Variants in KANSL3 observed in about 807,000 individuals in gnomAD.
KANSL3 encodes KAT8 regulatory NSL complex subunit 3.
In KANSL3, 16 loss-of-function variants were observed where a neutral mutation model predicts 89.2. The observed-to-expected ratio is 0.18, with a 90% confidence interval of 0.12 to 0.27. The LOEUF (loss-of-function observed/expected upper bound fraction) is 0.27. Among genes scored for constraint, KANSL3 ranks in the 10% least tolerant of loss-of-function variants. The pLI, the probability that KANSL3 is intolerant of heterozygous loss-of-function variation, is 1.00. For synonymous variants in KANSL3, 385 were observed against 419.7 expected, an observed-to-expected ratio of 0.92 and a Z score of 1.01; for missense variants, 879 against 1,110.6, an observed-to-expected ratio of 0.79 and a Z score of 2.96.
chr2:96,612,113 A>G (rs1376705258), intron 9 of KANSL3, 169 bp downstream of exon 9: 1 of 608,050 alleles, frequency 1.6e-6, no homozygotes, highest in Non-Finnish European at 2.9e-6. Flanking sequence ...AGTTTTCCAA[A>G]ATAAATTAAA....
intron 2 of KANSL3, 152 bp from the exon 3 acceptor site, chr2:96,631,634 T>C (rs1178900850): frequency 4.2e-5 from 36 of 852,318 alleles, no homozygotes; most frequent in Non-Finnish European, 6.9e-5. Flanking sequence ...TCCAAAGTCA[T>C]CTTTCCCACA....
chr2:96,604,769 A>G lies in KANSL3; in HGVS notation c.2018+10T>C. On this transcript the variant is annotated intron_variant, in intron 16 of 20. Coordinates refer to ENST00000431828, the MANE Select transcript of KANSL3 (RefSeq NM_001115016.3). ...AAGGAATAGACACAGATGGTCCAAT[A>G]AACACTCACTTGGCTGTGGTGAGAA... is the stretch of plus-strand genomic sequence containing the variant. 4 of 1,583,472 alleles carry G rather than the reference A, an allele frequency of 2.5e-6. No individual in the cohort carries two copies. Among genetic ancestry groups the G allele is most frequent in the Non-Finnish European group, 2.6e-6 (3 of 1,163,584 alleles).
intron 2 of KANSL3, among the ~76,000 whole-genome samples, chr2:96,632,632 G>A (rs934792554): frequency 6.6e-6 from 1 of 152,126 alleles, no homozygotes; most frequent in Admixed American, 6.6e-5. Flanking sequence ...ATGAGAGCTC[G>A]TTTAGGGACA....
In KANSL3 at chr2:96,608,853, G is replaced by C. The variant is rs1162543556; in HGVS notation, c.1584+11C>G. On this transcript the variant is annotated intron_variant, in intron 13 of 20. Transcript: ENST00000431828. Reference sequence around the variant, plus strand: ...TCCCCAGCAAAAGCGCTCCCTCCCTGCTCACACTACCTCTGAGCCTGAGGG... The same window carrying C: ...TCCCCAGCAAAAGCGCTCCCTCCCTCCTCACACTACCTCTGAGCCTGAGGG... 6.4e-7 allele frequency: 1 copy of C among 1,561,644 alleles called. No homozygotes were observed. Among genetic ancestry groups the C allele is most frequent in the Non-Finnish European group, 8.7e-7 (1 of 1,153,628 alleles).
intron 5 of KANSL3, among the ~76,000 whole-genome samples, chr2:96,613,919 G>T (rs58548375): frequency 6.6e-6 from 1 of 152,018 alleles, no homozygotes; most frequent in East Asian, 1.9e-4. Context: ...CAAAGAAAAC[G>T]TATCAGAAAC....
At chr2:96,606,014 T>C (rs2067926940) in intron 14 of KANSL3, 1 of 152,640 alleles carries the variant, frequency 6.6e-6, no homozygotes, top group Non-Finnish European at 1.5e-5. Flanking sequence ...CTCTAAAAAG[T>C]AGAGTTTTCC....
chr2:96,634,480 C>A (rs1410579550), intron 2 of KANSL3, among the ~76,000 whole-genome samples: 4 of 151,410 alleles, frequency 2.6e-5, no homozygotes, highest in Admixed American at 6.6e-5. Flanking sequence ...TGCGCCATTG[C>A]GCTCCAGCCT....
Position 96,637,067 on chromosome 2 carries a change from G to A in KANSL3, c.69C>T (p.Phe23=), listed in dbSNP as rs924556728. Residue 23 remains phenylalanine (F), a synonymous_variant, in exon 2 of 21, where the codon TTC becomes TTT. Coordinates refer to ENST00000431828, the MANE Select transcript of KANSL3 (RefSeq NM_001115016.3). ...SARRMGTSLL[F]QLSVHERELD... Reference sequence around the variant, plus strand: ...GCTCCCGTTCATGCACTGAAAGCTGGAAGAGCAGCGAGGTGCCCATGCGTC... The same window carrying A: ...GCTCCCGTTCATGCACTGAAAGCTGAAAGAGCAGCGAGGTGCCCATGCGTC... 2 of 1,551,732 alleles carry A rather than the reference G, an allele frequency of 1.3e-6. No homozygotes were observed. The highest frequency in any genetic ancestry group is 1.7e-6 in the Non-Finnish European group (2 of 1,146,998).
intron 3 of KANSL3, among the ~76,000 whole-genome samples, chr2:96,622,277 C>T (rs900729561): frequency 2.6e-5 from 4 of 151,988 alleles, no homozygotes; most frequent in Admixed American, 2.6e-4. Context: ...AAAAAATTAG[C>T]CAGGCATAGT....
intron 3 of KANSL3, chr2:96,627,927 G>A (rs751287619): frequency 7.8e-7 from 1 of 1,289,820 alleles, no homozygotes; most frequent in Non-Finnish European, 1.0e-6. Flanking sequence ...CCTACCAAAA[G>A]AGATGGTGTG....
At chr2:96,611,791 T>C (rs768216128) in intron 9 of KANSL3, among the ~76,000 whole-genome samples, 20 of 152,090 alleles carry the variant, frequency 1.3e-4, no homozygotes, top group Non-Finnish European at 1.8e-4. Context: ...TCCAGAGCTA[T>C]TAATATTTGC....
intron 2 of KANSL3, among the ~76,000 whole-genome samples, chr2:96,636,122 C>A (rs1371635862): frequency 6.6e-6 from 1 of 152,084 alleles, no homozygotes; most frequent in Non-Finnish European, 1.5e-5. Flanking sequence ...AAATTAAAAC[C>A]AGTGCTTAAG....
intron 20 of KANSL3, among the ~76,000 whole-genome samples, chr2:96,596,859 G>A (rs2066587044): frequency 6.6e-6 from 1 of 152,224 alleles, no homozygotes; most frequent in Non-Finnish European, 1.5e-5. Context: ...ACAGAGAGGA[G>A]AGAGAACTTA....
chr2:96,586,379 C>T, the KANSL3 span, among the ~76,000 whole-genome samples: 8 of 152,034 alleles, frequency 5.3e-5, no homozygotes, highest in African/African-American at 1.9e-4. Flanking sequence ...ACCCATGTAA[C>T]CAAAAACCAC....
At chr2:96,586,281 G>A in the KANSL3 span, among the ~76,000 whole-genome samples, 4 of 151,854 alleles carry the variant, frequency 2.6e-5, no homozygotes, top group Admixed American at 6.6e-5. Context: ...TAAGGGTGGG[G>A]GTGATTAAAA....
At chr2:96,603,815 A>C (rs1215521515) in intron 17 of KANSL3, 3 of 153,814 alleles carry the variant, frequency 2.0e-5, no homozygotes, top group Non-Finnish European at 4.3e-5. Context: ...GCAGATTTGC[A>C]GATTCAAACA....
At chr2:96,600,679 T>C in intron 20 of KANSL3, 1 of 985,460 alleles carries the variant, frequency 1.0e-6, no homozygotes, top group Non-Finnish European at 1.2e-6. Flanking sequence ...TTTTTTGGCT[T>C]AACTTCTAAT....
chr2:96,634,523 AAAAG>A (rs2073974970), intron 2 of KANSL3, among the ~76,000 whole-genome samples: 1 of 152,152 alleles, frequency 6.6e-6, no homozygotes, highest in African/African-American at 2.4e-5. Context: ...AAAAAAAAAA[AAAAG>A]AAAGTAAGAA....
intron 2 of KANSL3, among the ~76,000 whole-genome samples, chr2:96,636,273 G>A (rs958388594): frequency 1.3e-5 from 2 of 152,182 alleles, no homozygotes; most frequent in African/African-American, 4.8e-5. Context: ...ATGCCTTAAA[G>A]TGCAAAAGAA....
Sources: gnomAD v4.1 joint callset for allele counts (sites outside exome capture counted in the v4.1 genomes callset) on GRCh38, gnomAD v4.1.1 for gene constraint, MANE v1.5 for transcripts, NCBI Gene and HGNC (gene_info 2026-07-23, HGNC 2026-07-21) for gene names.